KCNU1: variants seen among roughly 807,000 people sequenced by gnomAD.
KCNU1 encodes potassium calcium-activated channel subfamily U member 1.
Under a neutral mutation model 126.8 loss-of-function variants are expected in KCNU1, and 93 were observed. The ratio of observed to expected loss-of-function variants is 0.73; its 90% CI spans 0.62 to 0.87. The LOEUF (loss-of-function observed/expected upper bound fraction) is 0.87, where lower values mean the gene tolerates loss of function less well. KCNU1 is among the 40% of genes least tolerant of loss of function. KCNU1 has a pLI of 0.00. For missense variants in KCNU1, 1,330 were observed against 1,367.1 expected (o/e 0.97, Z 0.43); for synonymous variants, 523 against 494.2 (o/e 1.06, Z -0.77).
chr8:36,787,514 A>G, intron 2 of KCNU1, 89 bp downstream of exon 2: 1 of 1,304,552 alleles, frequency 7.7e-7, no homozygotes, highest in South Asian at 1.5e-5. Flanking sequence ...CCCTAGGTAA[A>G]CAACTGACGT....
intron 19 of KCNU1, among the ~76,000 whole-genome samples, chr8:36,901,467 C>T (rs1807415664): frequency 6.6e-6 from 1 of 152,124 alleles, no homozygotes; most frequent in African/African-American, 2.4e-5. Context: ...GGAAGACGTT[C>T]AAGTGACACG....
chr8:36,859,607 T>A (rs912359499), intron 18 of KCNU1, among the ~76,000 whole-genome samples: 3 of 152,192 alleles, frequency 2.0e-5, no homozygotes, highest in African/African-American at 7.2e-5. Flanking sequence ...TGGTGCTCTA[T>A]AATTCTGAAT....
chr8:36,808,582 T>C, intron 6 of KCNU1, 136 bp from the exon 7 acceptor site: 1 of 631,390 alleles, frequency 1.6e-6, no homozygotes, highest in East Asian at 2.7e-5. Flanking sequence ...ATGCTGCATT[T>C]CGAATATGTT....
intron 16 of KCNU1, among the ~76,000 whole-genome samples, chr8:36,842,767 T>C (rs1309602293): frequency 6.6e-6 from 1 of 152,160 alleles, no homozygotes; most frequent in East Asian, 1.9e-4. Flanking sequence ...GCCTCCCAGG[T>C]TCAAGTGATT....
rs1803972866 is a variant in KCNU1 at position 36,817,721 on chromosome 8, A to G, written c.1067A>G (p.Lys356Arg). Residue 356 changes from lysine to arginine, a missense_variant, in exon 10 of 27, where the codon AAG becomes AGG. By Grantham distance (26) the Lys-to-Arg change is conservative. This residue lies in a region of KCNU1 where 1,054 missense variants were observed against 1,053.9 expected (regional missense o/e 1.00). Coordinates refer to ENST00000399881, the MANE Select transcript of KCNU1 (RefSeq NM_001031836.3). ...TAFLRNFLRD[K>R]SGEINTEIVF... is the part of the protein sequence containing the mutation. ...TTCCTGAGGAATTTCCTCCGCGACA[A>G]GTCAGGAGAGATCAACACTGAAATT... The G allele has an allele frequency of 1.9e-6, 3 of 1,609,788 alleles. No individual in the cohort carries two copies. The East Asian group carries it at 6.7e-5, about 36-fold the overall frequency.
chr8:36,860,244 A>AT lies in KCNU1; in HGVS notation c.1892-4154dup, dbSNP rs569058366. ...AGGTACCCGCCACCATGCCCAGCTA[A>AT]TTTTTTGTATTTTTAGTAGAGACAG... On this transcript the variant is annotated intron_variant, in intron 18 of 26. Transcript: ENST00000399881. Among the ~76,000 whole-genome samples, 13 of 151,958 alleles carry AT rather than the reference A, an allele frequency of 8.6e-5. No homozygotes were observed. The South Asian group carries it at 2.7e-3, about 32-fold the overall frequency.
At chr8:36,850,744 G>A (rs916392325) in intron 18 of KCNU1, among the ~76,000 whole-genome samples, 10 of 152,144 alleles carry the variant, frequency 6.6e-5, no homozygotes, top group South Asian at 2.1e-4. Context: ...GGCATGAGCC[G>A]ATGTGCCCAG....
Position 36,846,098 on chromosome 8 carries a change from A to C in KCNU1, c.1891+199A>C, listed in dbSNP as rs1302301601. Among the ~76,000 whole-genome samples, 11 of 152,256 alleles carry C rather than the reference A, an allele frequency of 7.2e-5. 1 individual carries two copies. The highest frequency in any genetic ancestry group is 5.9e-5 in the Non-Finnish European group (4 of 68,050). On this transcript the variant is annotated intron_variant, in intron 18 of 26. Coordinates refer to ENST00000399881, the MANE Select transcript of KCNU1 (RefSeq NM_001031836.3). ...AGAAACCTAACTAGTTATCGAATTC[A>C]GTTCCTTTAAAAGCAGGCAAATGCA...
chr8:36,933,769 T>C (rs1808773770), intron 26 of KCNU1, among the ~76,000 whole-genome samples: 1 of 152,038 alleles, frequency 6.6e-6, no homozygotes, highest in African/African-American at 2.4e-5. Context: ...GCAACAATTT[T>C]TTTGGCCCAC....
intron 19 of KCNU1, among the ~76,000 whole-genome samples, chr8:36,883,712 G>T (rs980221615): frequency 1.3e-5 from 2 of 152,072 alleles, no homozygotes; most frequent in Non-Finnish European, 2.9e-5. Flanking sequence ...GATCATTTGA[G>T]CCCAGGAGGT....
At position 36,834,874 on chromosome 8, in the gene KCNU1, A is replaced by T. The variant is rs1804688614; in HGVS notation, c.1295+6A>T. 6.3e-7 allele frequency: 1 copy of T among 1,590,316 alleles called. No individual in the cohort carries two copies. The highest frequency in any genetic ancestry group is 8.6e-7 in the Non-Finnish European group (1 of 1,160,172). On this transcript the variant is annotated splice_donor_region_variant and intron_variant, in intron 12 of 26. Coordinates refer to ENST00000399881, the MANE Select transcript of KCNU1 (RefSeq NM_001031836.3). ...GATATTTCCAACATTATGAGGTAAGAAGCTGTGTTTTGTATGCTATAACGA... is the reference window on the plus strand; with the variant it reads ...GATATTTCCAACATTATGAGGTAAGTAGCTGTGTTTTGTATGCTATAACGA...
intron 19 of KCNU1, among the ~76,000 whole-genome samples, chr8:36,871,966 A>G (rs980315971): frequency 2.6e-5 from 4 of 152,184 alleles, no homozygotes; most frequent in Non-Finnish European, 5.9e-5. Context: ...TGCGAAGCTT[A>G]GTCACTGTTT....
chr8:36,826,062 T>A (rs1804308057), intron 10 of KCNU1, among the ~76,000 whole-genome samples: 1 of 152,052 alleles, frequency 6.6e-6, no homozygotes, highest in Admixed American at 6.5e-5. Context: ...TTCTCAGTTA[T>A]TATAATTATT....
intron 10 of KCNU1, among the ~76,000 whole-genome samples, chr8:36,825,495 G>A (rs1045603847): frequency 2.6e-5 from 4 of 151,580 alleles, no homozygotes; most frequent in African/African-American, 9.7e-5. Flanking sequence ...ATCTCTTCTT[G>A]CACCTCTGCT....
intron 19 of KCNU1, among the ~76,000 whole-genome samples, chr8:36,892,012 T>A (rs1806981071): frequency 6.6e-6 from 1 of 152,150 alleles, no homozygotes; most frequent in African/African-American, 2.4e-5. Context: ...TCATTAAATA[T>A]GTAAAATTTG....
chr8:36,858,995 CTAT>C (rs1441587947), intron 18 of KCNU1, among the ~76,000 whole-genome samples: 1 of 152,158 alleles, frequency 6.6e-6, no homozygotes, highest in Non-Finnish European at 1.5e-5. Flanking sequence ...AGCTGGAACT[CTAT>C]TAATCTGGTA....
chr8:36,925,486 T>C (rs568816032), intron 24 of KCNU1, among the ~76,000 whole-genome samples: 1 of 152,310 alleles, frequency 6.6e-6, no homozygotes, highest in South Asian at 2.1e-4. Flanking sequence ...TATTTAATGA[T>C]GAGCTGAACT....
intron 8 of KCNU1, among the ~76,000 whole-genome samples, chr8:36,814,592 T>G (rs909298682): frequency 1.3e-5 from 2 of 152,176 alleles, no homozygotes; most frequent in African/African-American, 4.8e-5. Context: ...GGATGAAGGA[T>G]AGTAGGCAAA....
chr8:36,787,293 C>T lies in KCNU1; in HGVS notation c.196-13C>T. On this transcript the variant is annotated splice_polypyrimidine_tract_variant and intron_variant, in intron 1 of 26. Transcript: ENST00000399881. ...TCCAGCTCACATTGTCAATTTCTTT[C>T]TCTTGATTGTAGGAACTGTTCACAT... 6.3e-7 allele frequency: 1 copy of T among 1,599,016 alleles called. No individual in the cohort carries two copies. The highest frequency in any genetic ancestry group is 8.5e-7 in the Non-Finnish European group (1 of 1,171,914).
Sources: gnomAD v4.1 joint callset for allele counts (sites outside exome capture counted in the v4.1 genomes callset) on GRCh38, gnomAD v4.1.1 for gene constraint, gnomAD v4.1.1 regional missense constraint, MANE v1.5 for transcripts, NCBI Gene and HGNC (gene_info 2026-07-23, HGNC 2026-07-21) for gene names.